DSCAM: variants seen among roughly 807,000 people sequenced by gnomAD.
The protein encoded by DSCAM is cell adhesion molecule DSCAM.
Under a neutral mutation model 217.7 loss-of-function variants are expected in DSCAM, and 47 were observed. The ratio of observed to expected loss-of-function variants is 0.22; its 90% CI spans 0.17 to 0.28. The LOEUF (loss-of-function observed/expected upper bound fraction) is 0.28, where lower values mean the gene tolerates loss of function less well. Among genes scored for constraint, DSCAM ranks in the 10% least tolerant of loss-of-function variants. The pLI is 1.00. For missense variants in DSCAM, 2,080 were observed against 2,618.3 expected, an observed-to-expected ratio of 0.79 and a Z score of 4.49; for synonymous variants, 1,056 against 1,015.3, an observed-to-expected ratio of 1.04 and a Z score of -0.76.
chr21:40,119,456 G>C (rs1364757437), intron 20 of DSCAM, among the ~76,000 whole-genome samples: 1 of 152,180 alleles, frequency 6.6e-6, no homozygotes, highest in African/African-American at 2.4e-5. Flanking sequence ...ATGGTGGTAA[G>C]CTGGAAATAT....
intron 3 of DSCAM, among the ~76,000 whole-genome samples, chr21:40,378,314 T>C (rs1391525201): frequency 6.6e-6 from 1 of 152,234 alleles, no homozygotes; most frequent in Admixed American, 6.5e-5. Context: ...AATAAAATGT[T>C]TGAAAATAAG....
At chr21:40,082,523 T>C (rs1464654741) in intron 24 of DSCAM, among the ~76,000 whole-genome samples, 2 of 132,670 alleles carry the variant, frequency 1.5e-5, no homozygotes, top group Non-Finnish European at 1.6e-5. Context: ...CAATTTGTGC[T>C]GTGCATCTGC....
intron 3 of DSCAM, among the ~76,000 whole-genome samples, chr21:40,385,785 C>T (rs1160670577): frequency 6.6e-6 from 1 of 152,106 alleles, no homozygotes; most frequent in African/African-American, 2.4e-5. Context: ...TTCTTCAAAA[C>T]TTTATATATA....
intron 5 of DSCAM, among the ~76,000 whole-genome samples, chr21:40,351,469 C>T (rs556736082): frequency 6.6e-6 from 1 of 152,254 alleles, no homozygotes; most frequent in African/African-American, 2.4e-5. Context: ...GGAAGGACGC[C>T]AAGGCTGTAA....
Position 40,708,612 on chromosome 21 carries a change from T to C in DSCAM, c.203A>G (p.Asp68Gly). 1.2e-6 allele frequency: 2 copies of C among 1,612,466 alleles called. No individual in the cohort carries two copies. The highest frequency in any genetic ancestry group is 2.2e-5 in the South Asian group (2 of 90,500). The change falls in exon 2 of 33, where the codon GAT (aspartate) becomes GGT (glycine). Residue 68 changes from aspartate to glycine, a missense_variant. By Grantham distance (94) the Asp-to-Gly change is moderately conservative (BLOSUM62 -1). Transcript: ENST00000400454. Reference sequence around the variant, plus strand: ...GTGGACGTGGCGGATCCCGGGGACATCGTAGATCTCCTCGCCCGTGGCTAG... The same window carrying C: ...GTGGACGTGGCGGATCCCGGGGACACCGTAGATCTCCTCGCCCGTGGCTAG... ...WYLATGEEIY[D>G]VPGIRHVHPN...
intron 11 of DSCAM, among the ~76,000 whole-genome samples, chr21:40,269,799 T>C (rs2073591847): frequency 6.6e-6 from 1 of 152,206 alleles, no homozygotes; most frequent in Non-Finnish European, 1.5e-5. Flanking sequence ...ACCAGTCATA[T>C]TGGATTAGGG....
chr21:40,765,312 T>G (rs1351161160), intron 1 of DSCAM, among the ~76,000 whole-genome samples: 1 of 152,116 alleles, frequency 6.6e-6, no homozygotes, highest in Non-Finnish European at 1.5e-5. Flanking sequence ...ATGAAGGCAC[T>G]GCCTGGCCCA....
intron 10 of DSCAM, among the ~76,000 whole-genome samples, chr21:40,293,004 G>A (rs2073912928): frequency 6.6e-6 from 1 of 152,204 alleles, no homozygotes; most frequent in South Asian, 2.1e-4. Context: ...CCAAAGTGCT[G>A]GGATTACAGG....
At chr21:40,469,757 TGA>T (rs966935820) in intron 3 of DSCAM, among the ~76,000 whole-genome samples, 4 of 152,308 alleles carry the variant, frequency 2.6e-5, no homozygotes, top group African/African-American at 9.6e-5. Flanking sequence ...TAAAAAATAA[TGA>T]GAGTGATTTC....
At position 40,158,928 on chromosome 21, in the gene DSCAM, T is replaced by C. The variant is rs78896744; in HGVS notation, c.3018+8290A>G. Reference sequence around the variant, plus strand: ...AATGAAGAGTTTGGCTTTAAAAATGTTATGGGCTATCTTGAAATAGTTTGT... The same window carrying C: ...AATGAAGAGTTTGGCTTTAAAAATGCTATGGGCTATCTTGAAATAGTTTGT... On this transcript the variant is annotated intron_variant, in intron 16 of 32. Transcript: ENST00000400454. 2.7e-3 allele frequency among the ~76,000 whole-genome samples: 415 copies of C among 152,332 alleles called. 2 individuals are homozygous for C. The highest frequency in any genetic ancestry group is 9.5e-3 in the African/African-American group (395 of 41,572).
Position 40,339,315 on chromosome 21 carries a change from C to T in DSCAM, c.1311G>A (p.Thr437=), listed in dbSNP as rs2074463526. The T allele has an allele frequency of 3.1e-6, 5 of 1,614,146 alleles. No homozygotes were observed. The highest frequency in any genetic ancestry group is 1.6e-4 in the Middle Eastern group (1 of 6,062). ...MCNVKGTPLP[T]ITWTLDDDPI... is the part of the protein sequence containing the mutation. ...GGTCATCGTCCAGGGTCCACGTGAT[C>T]GTGGGCAAAGGTGTTCCCTTCACGT... The change falls in exon 7 of 33, where the codon ACG becomes ACA. Residue 437 remains threonine (T), a synonymous_variant. Coordinates refer to ENST00000400454, the MANE Select transcript of DSCAM (RefSeq NM_001389.5).
At chr21:40,783,880 C>T (rs1035136954) in intron 1 of DSCAM, among the ~76,000 whole-genome samples, 7 of 152,064 alleles carry the variant, frequency 4.6e-5, no homozygotes, top group Non-Finnish European at 7.4e-5. Context: ...CCTAAAAAAT[C>T]GCATTCTTCT....
intron 3 of DSCAM, among the ~76,000 whole-genome samples, chr21:40,453,040 T>TTGTGTGTGTGTGTG (rs3069917): frequency 1.2e-3 from 166 of 134,424 alleles, no homozygotes; most frequent in East Asian, 2.6e-3. Flanking sequence ...TTTAAAGACT[T>TTGTGTGTGTGTGTG]TGTGTGTGTG....
rs377009087 is a variant in DSCAM at position 40,018,135 on chromosome 21, C to CA, written c.5687-4750dup. On this transcript the variant is annotated intron_variant, in intron 32 of 32. Transcript: ENST00000400454. ...GTCTTCTCTAACCAGGGATTATTTG[C>CA]AAAAAAAGTGATGAAAGCATTAACA... 1.4e-3 allele frequency among the ~76,000 whole-genome samples: 220 copies of CA among 151,766 alleles called. 1 individual carries two copies. Among genetic ancestry groups the CA allele is most frequent in the African/African-American group, 3.2e-3 (134 of 41,420 alleles).
chr21:40,229,594 A>G (rs1305999712), intron 11 of DSCAM, among the ~76,000 whole-genome samples: 1 of 152,222 alleles, frequency 6.6e-6, no homozygotes, highest in Non-Finnish European at 1.5e-5. Flanking sequence ...TGTCATAAAA[A>G]TGGAGTCATA....
At chr21:40,367,715 A>G (rs1326370928) in intron 4 of DSCAM, among the ~76,000 whole-genome samples, 1 of 152,060 alleles carries the variant, frequency 6.6e-6, no homozygotes, top group Non-Finnish European at 1.5e-5. Context: ...CCTGGCATCT[A>G]TCACCTCCCT....
At chr21:40,460,543 G>A (rs1339053004) in intron 3 of DSCAM, among the ~76,000 whole-genome samples, 2 of 152,064 alleles carry the variant, frequency 1.3e-5, no homozygotes, top group Non-Finnish European at 2.9e-5. Flanking sequence ...GTAGGAAAAT[G>A]TTTTGTAATT....
intron 10 of DSCAM, among the ~76,000 whole-genome samples, chr21:40,277,625 A>G (rs530643277): frequency 5.8e-4 from 87 of 150,638 alleles, no homozygotes; most frequent in African/African-American, 2.1e-3. Flanking sequence ...GACATACGAC[A>G]ACCTGAATTT....
intron 20 of DSCAM, among the ~76,000 whole-genome samples, chr21:40,107,141 G>T (rs1047291434): frequency 2.6e-5 from 4 of 152,086 alleles, no homozygotes; most frequent in Non-Finnish European, 4.4e-5. Flanking sequence ...CACTGCCTTA[G>T]CAGTGTCTCA....
Sources: allele counts gnomAD v4.1 joint callset (sites outside exome capture counted in the v4.1 genomes callset), GRCh38; gene constraint gnomAD v4.1.1; transcripts MANE v1.5; gene names NCBI Gene and HGNC (gene_info 2026-07-23, HGNC 2026-07-21).